Variants in PARP15 observed in about 807,000 individuals in gnomAD.
The protein encoded by PARP15 is protein mono-ADP-ribosyltransferase PARP15.
A neutral mutation model predicts 62.1 loss-of-function variants in PARP15; 50 were observed. That is an observed-to-expected ratio of 0.81 (90% CI 0.64 to 1.02). The LOEUF (loss-of-function observed/expected upper bound fraction) is 1.02, where lower values mean the gene tolerates loss of function less well. Among genes scored for constraint, PARP15 ranks in the 50% least tolerant of loss-of-function variants. The pLI is 0.00. For synonymous variants in PARP15, 309 were observed against 293.1 expected, an observed-to-expected ratio of 1.05 and a Z score of -0.55; for missense variants, 820 against 826.5, an observed-to-expected ratio of 0.99 and a Z score of 0.10.
intron 11 of PARP15, among the ~76,000 whole-genome samples, chr3:122,635,397 G>T (rs145698201): frequency 1.3e-5 from 2 of 151,552 alleles, no homozygotes; most frequent in Non-Finnish European, 2.9e-5. Flanking sequence ...TAACTTTAAC[G>T]TGCAGTTTTT....
intron 4 of PARP15, chr3:122,614,930 T>C (rs1457481443): frequency 3.1e-6 from 1 of 327,852 alleles, no homozygotes; most frequent in African/African-American, 2.3e-5. Context: ...CTTGGGAGGC[T>C]GAGGTGGGAG....
intron 1 of PARP15, chr3:122,594,530 G>A: frequency 1.0e-6 from 1 of 982,454 alleles, no homozygotes; most frequent in Non-Finnish European, 1.2e-6. Context: ...CATTGTTAAA[G>A]ATTGCTGTGT....
chr3:122,611,895 G>A (rs890370615), intron 3 of PARP15, among the ~76,000 whole-genome samples: 6 of 151,732 alleles, frequency 4.0e-5, no homozygotes, highest in African/African-American at 1.5e-4. Flanking sequence ...TGTATTTTTA[G>A]TAGAGATGGG....
intron 4 of PARP15, among the ~76,000 whole-genome samples, chr3:122,614,539 T>A (rs1935810043): frequency 6.6e-6 from 1 of 152,198 alleles, no homozygotes; most frequent in African/African-American, 2.4e-5. Flanking sequence ...GTTCTTAGTT[T>A]TTTTCCCCCG....
chr3:122,606,563 A>T (rs1935175285), intron 2 of PARP15, among the ~76,000 whole-genome samples: 1 of 152,108 alleles, frequency 6.6e-6, no homozygotes, highest in Non-Finnish European at 1.5e-5. Context: ...TCTTCCTTGG[A>T]ATCACCAGTT....
At chr3:122,592,422 C>T (rs1034515489) in intron 1 of PARP15, among the ~76,000 whole-genome samples, 1 of 152,002 alleles carries the variant, frequency 6.6e-6, no homozygotes, top group Non-Finnish European at 1.5e-5. Flanking sequence ...GGGAACAGCA[C>T]ACACTGGGGC....
At chr3:122,603,112 T>C (rs1934921243) in intron 1 of PARP15, among the ~76,000 whole-genome samples, 1 of 152,012 alleles carries the variant, frequency 6.6e-6, no homozygotes, top group Non-Finnish European at 1.5e-5. Flanking sequence ...TGTGTCCCAG[T>C]GTTGTGTGTC....
chr3:122,634,210 T>C (rs1046696516), intron 10 of PARP15, among the ~76,000 whole-genome samples: 1 of 152,218 alleles, frequency 6.6e-6, no homozygotes, highest in Non-Finnish European at 1.5e-5. Context: ...ACACAGGTTA[T>C]CTGGAGCCCC....
intron 8 of PARP15, among the ~76,000 whole-genome samples, chr3:122,626,447 C>T (rs9858004): frequency 0.15 from 23,136 of 152,102 alleles, 2,198 homozygotes; most frequent in East Asian, 0.47. Context: ...ATCCACCCAC[C>T]TCAGCCTCTC....
intron 10 of PARP15, 138 bp from the exon 11 acceptor site, chr3:122,634,882 T>A: frequency 1.2e-6 from 1 of 830,494 alleles, no homozygotes; most frequent in East Asian, 2.7e-5. Flanking sequence ...TGTCTATTTG[T>A]ATTTTCTTCT....
At chr3:122,602,871 G>T (rs374303445) in intron 1 of PARP15, among the ~76,000 whole-genome samples, 2 of 152,192 alleles carry the variant, frequency 1.3e-5, no homozygotes, top group African/African-American at 4.8e-5. Flanking sequence ...TACCTCCATT[G>T]CATTTACGAA....
intron 6 of PARP15, among the ~76,000 whole-genome samples, chr3:122,618,523 G>A (rs1936133406): frequency 6.6e-6 from 1 of 152,168 alleles, no homozygotes; most frequent in Non-Finnish European, 1.5e-5. Flanking sequence ...TGGTATCTGG[G>A]AAGGCAGGGG....
At chr3:122,579,914 G>A (rs902448001) in intron 1 of PARP15, among the ~76,000 whole-genome samples, 3 of 149,928 alleles carry the variant, frequency 2.0e-5, no homozygotes, top group African/African-American at 4.9e-5. Context: ...GGGAGGCAGA[G>A]GTTGCAGTGA....
intron 1 of PARP15, among the ~76,000 whole-genome samples, chr3:122,604,591 G>A (rs1198530517): frequency 1.3e-5 from 2 of 151,852 alleles, no homozygotes; most frequent in East Asian, 3.9e-4. Context: ...GTGGTGGCTC[G>A]CACCTGTAAT....
At chr3:122,622,435 G>C (rs1330591802) in intron 8 of PARP15, among the ~76,000 whole-genome samples, 1 of 152,084 alleles carries the variant, frequency 6.6e-6, no homozygotes, top group Non-Finnish European at 1.5e-5. Flanking sequence ...GCTTTGTTGT[G>C]TCCCCAGACA....
intron 8 of PARP15, among the ~76,000 whole-genome samples, chr3:122,624,798 G>A (rs775457352): frequency 2.0e-5 from 3 of 152,032 alleles, no homozygotes; most frequent in Admixed American, 1.3e-4. Context: ...CTTTGTTGTG[G>A]TTTCTTTTCT....
chr3:122,618,553 T>G (rs1189180280), intron 6 of PARP15, among the ~76,000 whole-genome samples: 2 of 152,012 alleles, frequency 1.3e-5, no homozygotes, highest in Non-Finnish European at 2.9e-5. Flanking sequence ...GAGATGAAAA[T>G]AAGATTGAAT....
chr3:122,634,277 G>A (rs1937226233), intron 10 of PARP15, among the ~76,000 whole-genome samples: 1 of 152,072 alleles, frequency 6.6e-6, no homozygotes. Context: ...ATCACTCTGA[G>A]CAGTAGTGAT....
At chr3:122,594,263 G>A (rs767282451) in intron 1 of PARP15, among the ~76,000 whole-genome samples, 2 of 152,128 alleles carry the variant, frequency 1.3e-5, no homozygotes, top group Non-Finnish European at 2.9e-5. Context: ...ATGGGACACT[G>A]CATTCCAGCC....
Sources: allele counts gnomAD v4.1 joint callset (sites outside exome capture counted in the v4.1 genomes callset), GRCh38; gene constraint gnomAD v4.1.1; transcripts MANE v1.5; gene names NCBI Gene and HGNC (gene_info 2026-07-23, HGNC 2026-07-21).